The following LRFN5 variants were observed in gnomAD, a reference collection of about 807,000 sequenced individuals.
LRFN5 encodes the protein leucine rich repeat and fibronectin type III domain containing 5, also known as leucine-rich repeat and fibronectin type-III domain-containing protein 5.
A neutral mutation model predicts 45.6 loss-of-function variants in LRFN5; 24 were observed. That is an observed-to-expected ratio of 0.53 (90% CI 0.38 to 0.74). The LOEUF (loss-of-function observed/expected upper bound fraction) is 0.74, where lower values mean the gene tolerates loss of function less well. Among genes scored for constraint, LRFN5 ranks in the 30% least tolerant of loss-of-function variants. The pLI is 0.00. For missense variants in LRFN5, 776 were observed against 861.5 expected (o/e 0.90, Z 1.24); for synonymous variants, 340 against 313.8 (o/e 1.08, Z -0.88).
At chr14:41,854,814 G>A (rs1889396120) in intron 2 of LRFN5, among the ~76,000 whole-genome samples, 1 of 152,110 alleles carries the variant, frequency 6.6e-6, no homozygotes, top group Non-Finnish European at 1.5e-5. Flanking sequence ...ATTTGTGGAG[G>A]AGAGCCTAAT....
chr14:41,811,830 A>C (rs1887746923), intron 2 of LRFN5, among the ~76,000 whole-genome samples: 1 of 152,066 alleles, frequency 6.6e-6, no homozygotes, highest in African/African-American at 2.4e-5. Context: ...GCGTGATGAA[A>C]ATGTTCAACA....
At chr14:41,650,655 T>C (rs1880066421) in intron 1 of LRFN5, among the ~76,000 whole-genome samples, 1 of 152,262 alleles carries the variant, frequency 6.6e-6, no homozygotes, top group African/African-American at 2.4e-5. Context: ...ATTTAAAAAT[T>C]ACATATTTAT....
At chr14:41,800,584 T>A (rs752819047) in intron 2 of LRFN5, among the ~76,000 whole-genome samples, 1 of 151,818 alleles carries the variant, frequency 6.6e-6, no homozygotes. Context: ...TCATTACTAC[T>A]TTATTTAATA....
chr14:41,728,220 A>G (rs528991740), intron 1 of LRFN5, among the ~76,000 whole-genome samples: 4 of 152,108 alleles, frequency 2.6e-5, no homozygotes, highest in Non-Finnish European at 5.9e-5. Context: ...CACGCAAACA[A>G]ATTTAGTTGG....
At chr14:41,820,060 C>T (rs1226641552) in intron 2 of LRFN5, among the ~76,000 whole-genome samples, 1 of 151,396 alleles carries the variant, frequency 6.6e-6, no homozygotes, top group Non-Finnish European at 1.5e-5. Flanking sequence ...TTCTCCCATT[C>T]TGTAGGTTGT....
intron 1 of LRFN5, among the ~76,000 whole-genome samples, chr14:41,683,195 A>G (rs955759597): frequency 7.2e-5 from 11 of 152,234 alleles, no homozygotes; most frequent in African/African-American, 2.7e-4. Flanking sequence ...GATACATCGT[A>G]TCAATAGAAT....
chr14:41,635,248 A>G (rs138370286), intron 1 of LRFN5, among the ~76,000 whole-genome samples: 4 of 152,296 alleles, frequency 2.6e-5, no homozygotes, highest in Non-Finnish European at 4.4e-5. Context: ...CAGCCTTCAA[A>G]ATGATGAAAA....
chr14:41,844,440 A>AAC (rs1050175049), intron 2 of LRFN5, among the ~76,000 whole-genome samples: 34 of 151,746 alleles, frequency 2.2e-4, no homozygotes, highest in African/African-American at 8.2e-4. Context: ...CCGTCTCAAA[A>AAC]AAAAAAAAAA....
At chr14:41,825,259 C>T (rs1282658867) in intron 2 of LRFN5, among the ~76,000 whole-genome samples, 1 of 152,160 alleles carries the variant, frequency 6.6e-6, no homozygotes, top group African/African-American at 2.4e-5. Context: ...TGCGCCAAGC[C>T]CCTGGGAGAG....
intron 1 of LRFN5, among the ~76,000 whole-genome samples, chr14:41,653,674 T>C (rs1417096129): frequency 6.6e-6 from 1 of 152,096 alleles, no homozygotes; most frequent in South Asian, 2.1e-4. Context: ...GGAGAGTAAC[T>C]GGTCTGCATA....
chr14:41,643,717 A>T (rs1021450621), intron 1 of LRFN5, among the ~76,000 whole-genome samples: 13 of 151,912 alleles, frequency 8.6e-5, no homozygotes, highest in Non-Finnish European at 2.9e-5. Flanking sequence ...CACACCACAC[A>T]CACACACACA....
At chr14:41,745,895 A>G (rs1460801476) in intron 1 of LRFN5, among the ~76,000 whole-genome samples, 1 of 152,046 alleles carries the variant, frequency 6.6e-6, no homozygotes, top group Non-Finnish European at 1.5e-5. Context: ...CCAAAAAGAA[A>G]AGCCCTGGAT....
chr14:41,722,560 A>G (rs186641353), intron 1 of LRFN5, among the ~76,000 whole-genome samples: 1,734 of 118,648 alleles, frequency 0.015, 11 homozygotes, highest in Middle Eastern at 0.032. Context: ...ATAATAAAAT[A>G]CGGTGTTTTT....
At chr14:41,868,688 C>G (rs1316567200) in intron 2 of LRFN5, among the ~76,000 whole-genome samples, 1 of 152,108 alleles carries the variant, frequency 6.6e-6, no homozygotes, top group Non-Finnish European at 1.5e-5. Context: ...AAATGAGAAG[C>G]ATTTGAATAG....
chr14:41,801,593 T>C (rs1887334843), intron 2 of LRFN5, among the ~76,000 whole-genome samples: 2 of 152,284 alleles, frequency 1.3e-5, no homozygotes, highest in South Asian at 4.1e-4. Flanking sequence ...TTTTCTCCTA[T>C]GCCTGTTTAC....
intron 2 of LRFN5, among the ~76,000 whole-genome samples, chr14:41,784,123 C>A (rs1424130597): frequency 6.6e-6 from 1 of 152,078 alleles, no homozygotes; most frequent in South Asian, 2.1e-4. Context: ...CTTTACATCA[C>A]TGCTATGCTC....
chr14:41,711,257 A>G (rs1324114122), intron 1 of LRFN5, among the ~76,000 whole-genome samples: 4 of 152,190 alleles, frequency 2.6e-5, no homozygotes, highest in Non-Finnish European at 5.9e-5. Context: ...TGACTAAGGC[A>G]TAAAAGGCAA....
intron 2 of LRFN5, among the ~76,000 whole-genome samples, chr14:41,795,246 A>G (rs1887077209): frequency 6.6e-6 from 1 of 152,132 alleles, no homozygotes; most frequent in Non-Finnish European, 1.5e-5. Context: ...CACACCAGTT[A>G]GAATGGCGAT....
chr14:41,898,818 C>A, intron 4 of LRFN5, 99 bp from the exon 5 acceptor site: 3 of 1,084,056 alleles, frequency 2.8e-6, no homozygotes, highest in Non-Finnish European at 4.0e-6. Flanking sequence ...TTTGTTAATT[C>A]TTGATATGAA....
Sources: allele counts gnomAD v4.1 joint callset (sites outside exome capture counted in the v4.1 genomes callset), GRCh38; gene constraint gnomAD v4.1.1; transcripts MANE v1.5; gene names NCBI Gene and HGNC (gene_info 2026-07-23, HGNC 2026-07-21).